Variants in USP4 observed in about 807,000 individuals in gnomAD.
USP4 encodes the protein ubiquitin specific peptidase 4.
USP4 carries 72 observed loss-of-function variants against 118.2 expected under a neutral mutation model. That is an observed-to-expected ratio of 0.61 (90% CI 0.50 to 0.74). The LOEUF is 0.74. USP4 is among the 30% of genes least tolerant of loss of function. The pLI is 0.00. For synonymous variants in USP4, 415 were observed against 440.4 expected (o/e 0.94, Z 0.72); for missense variants, 1,037 against 1,185.7 (o/e 0.87, Z 1.84).
intron 15 of USP4, 97 bp downstream of exon 15, chr3:49,292,413 C>T: frequency 2.6e-6 from 2 of 778,646 alleles, no homozygotes; most frequent in Non-Finnish European, 3.9e-6. Flanking sequence ...CAACCCAGTC[C>T]CAACCCCCTT....
intron 4 of USP4, 26 bp downstream of exon 4, chr3:49,325,693 C>G (rs1180985240): frequency 6.2e-7 from 1 of 1,611,400 alleles, no homozygotes; most frequent in East Asian, 2.2e-5. Context: ...TCACCACATA[C>G]CAGGGACCCC....
At chr3:49,327,861 A>G (rs1328920744) in intron 2 of USP4, 45 bp from the exon 3 acceptor site, 1 of 1,558,054 alleles carries the variant, frequency 6.4e-7, no homozygotes, top group Admixed American at 1.8e-5. Context: ...TTTACCCCAG[A>G]AATGATGGTT....
At chr3:49,280,683 G>T (rs1195403545) in intron 20 of USP4, 61 bp downstream of exon 20, 2 of 1,418,580 alleles carry the variant, frequency 1.4e-6, no homozygotes, top group Non-Finnish European at 2.0e-6. Flanking sequence ...TGGTCCACTG[G>T]TGAGAGATGA....
chr3:49,340,051 C>T lies in USP4; in HGVS notation c.-27G>A. 1 of 1,592,470 alleles carries T rather than the reference C, an allele frequency of 6.3e-7. No homozygotes were observed. Among genetic ancestry groups the T allele is most frequent in the Middle Eastern group, 1.8e-4 (1 of 5,710 alleles). ...TCCTCCGCGGCCCCGGCCCAGCCGG[C>T]CCGGACATCCGCCCCGCGCGCGGCG... On this transcript the variant is annotated 5_prime_UTR_variant, in exon 1 of 22. Coordinates refer to ENST00000265560, the MANE Select transcript of USP4 (RefSeq NM_003363.4).
chr3:49,278,131 TA>T lies in USP4; in HGVS notation c.*161del. The T allele has an allele frequency of 1.3e-6, 1 of 788,178 alleles. No individual in the cohort carries two copies. Among genetic ancestry groups the T allele is most frequent in the Non-Finnish European group, 1.8e-6 (1 of 550,276 alleles). 48.8% of individuals were successfully genotyped at this position (788,178 alleles called of 1,614,324 possible). Reference sequence around the variant, plus strand: ...GCCTCTTGACATAGCTTCTTCTAGGTAAACGGTCTTCTTTTTTTTTTTTTGT... The same window carrying T: ...GCCTCTTGACATAGCTTCTTCTAGGTAACGGTCTTCTTTTTTTTTTTTTGT... On this transcript the variant is annotated 3_prime_UTR_variant, in exon 22 of 22. Transcript: ENST00000265560.
At chr3:49,305,022 A>AC (rs1332639191) in intron 9 of USP4, among the ~76,000 whole-genome samples, 1 of 149,854 alleles carries the variant, frequency 6.7e-6, no homozygotes, top group Non-Finnish European at 1.5e-5. Context: ...TCAGCCTCCC[A>AC]AAGTGCTGGG....
intron 6 of USP4, among the ~76,000 whole-genome samples, chr3:49,313,464 G>A (rs1442432555): frequency 1.3e-5 from 2 of 152,018 alleles, no homozygotes; most frequent in Non-Finnish European, 2.9e-5. Context: ...GGAGGCGGAG[G>A]TTGTAGTGGG....
At chr3:49,339,002 C>T (rs958677595) in intron 1 of USP4, among the ~76,000 whole-genome samples, 6 of 152,082 alleles carry the variant, frequency 3.9e-5, no homozygotes, top group Admixed American at 2.0e-4. Flanking sequence ...AAAAAATTAG[C>T]TGGGTGTGGT....
chr3:49,280,517 G>A (rs1575598294), intron 20 of USP4, among the ~76,000 whole-genome samples: 1 of 145,484 alleles, frequency 6.9e-6, no homozygotes, highest in Admixed American at 7.1e-5. Context: ...GTGAGATTGC[G>A]CCACTGTGTT....
chr3:49,294,332 G>C, intron 14 of USP4, 75 bp downstream of exon 14: 1 of 1,470,990 alleles, frequency 6.8e-7, no homozygotes, highest in Non-Finnish European at 9.3e-7. Flanking sequence ...ACAGCCACTT[G>C]GCAGGAGTTG....
At chr3:49,286,440 A>C in intron 15 of USP4, 115 bp from the exon 16 acceptor site, 1 of 1,027,238 alleles carries the variant, frequency 9.7e-7, no homozygotes, top group Non-Finnish European at 1.4e-6. Flanking sequence ...GTGTATATGA[A>C]GTTAAATCTA....
chr3:49,289,280 A>C (rs996365736), intron 15 of USP4, among the ~76,000 whole-genome samples: 3 of 152,208 alleles, frequency 2.0e-5, no homozygotes, highest in Non-Finnish European at 4.4e-5. Flanking sequence ...AGTGCCTTTC[A>C]TGTGCCCTGT....
At position 49,295,714 on chromosome 3, in the gene USP4, G is replaced by GCGCGCGCGCGCGCA. The variant is rs149459963; in HGVS notation, c.1692-1117_1692-1116insTGCGCGCGCGCGCG. 5.1e-4 allele frequency among the ~76,000 whole-genome samples: 76 copies of GCGCGCGCGCGCGCA among 148,398 alleles called. 1 individual carries two copies. Among genetic ancestry groups the GCGCGCGCGCGCGCA allele is most frequent in the Admixed American group, 1.7e-3 (26 of 15,156 alleles). Reference sequence around the variant, plus strand: ...CATATGCACGTGTGCGCGCGCGCGCGCACACACACACACACACACACCCCC... The same window carrying GCGCGCGCGCGCGCA: ...CATATGCACGTGTGCGCGCGCGCGCGCGCGCGCGCGCGCACACACACACACACACACACACCCCC... On this transcript the variant is annotated intron_variant, in intron 13 of 21. Coordinates refer to ENST00000265560, the MANE Select transcript of USP4 (RefSeq NM_003363.4).
chr3:49,339,411 G>T (rs1210324356), intron 1 of USP4, among the ~76,000 whole-genome samples: 1 of 152,168 alleles, frequency 6.6e-6, no homozygotes, highest in East Asian at 1.9e-4. Flanking sequence ...AAATATTTTT[G>T]ACACTTGCTA....
chr3:49,296,729 T>C (rs1214447024), intron 13 of USP4, among the ~76,000 whole-genome samples: 1 of 152,268 alleles, frequency 6.6e-6, no homozygotes, highest in African/African-American at 2.4e-5. Flanking sequence ...AATTCATCTA[T>C]AAAAGAATTT....
At chr3:49,281,476 G>GTA (rs568103712) in intron 19 of USP4, among the ~76,000 whole-genome samples, 161 of 105,962 alleles carry the variant, frequency 1.5e-3, no homozygotes, top group African/African-American at 4.0e-3. Flanking sequence ...AAAAGTATGT[G>GTA]TATATATATA....
chr3:49,323,441 A>C (rs2047521797), intron 6 of USP4, among the ~76,000 whole-genome samples: 1 of 152,072 alleles, frequency 6.6e-6, no homozygotes, highest in Admixed American at 6.6e-5. Flanking sequence ...ATTGTGCTTA[A>C]TCCCATCTGC....
chr3:49,303,021 A>G (rs1229867561), intron 9 of USP4, among the ~76,000 whole-genome samples: 3 of 152,190 alleles, frequency 2.0e-5, no homozygotes, highest in Non-Finnish European at 2.9e-5. Context: ...CAGCATTAGT[A>G]TCACCTGGGA....
At chr3:49,278,489 G>GA in intron 21 of USP4, 38 bp from the exon 22 acceptor site, 2 of 1,596,686 alleles carry the variant, frequency 1.3e-6, no homozygotes, top group East Asian at 2.2e-5. Context: ...TCAGTGCTTG[G>GA]AAAAATCACC....
Sources: gnomAD v4.1 joint callset for allele counts (sites outside exome capture counted in the v4.1 genomes callset) on GRCh38, gnomAD v4.1.1 for gene constraint, MANE v1.5 for transcripts, NCBI Gene and HGNC (gene_info 2026-07-23, HGNC 2026-07-21) for gene names.